The following RELN variants were observed in gnomAD, a reference collection of about 807,000 sequenced individuals.
RELN encodes the protein reelin.
Under a neutral mutation model 427.6 loss-of-function variants are expected in RELN, and 108 were observed. That is an observed-to-expected ratio of 0.25 (90% CI 0.22 to 0.30). The LOEUF (loss-of-function observed/expected upper bound fraction) is 0.30, where lower values mean the gene tolerates loss of function less well. RELN is among the 10% of genes least tolerant of loss of function. RELN has a pLI of 1.00. For synonymous variants in RELN, 1,524 were observed against 1,513.4 expected (o/e 1.01, Z -0.16); for missense variants, 3,715 against 4,302.8 (o/e 0.86, Z 3.82).
intron 51 of RELN, among the ~76,000 whole-genome samples, chr7:103,509,226 G>A (rs1306602599): frequency 3.9e-5 from 6 of 152,152 alleles, no homozygotes; most frequent in Non-Finnish European, 1.5e-5. Flanking sequence ...CAAACCTGGA[G>A]GCATCATGCT....
intron 20 of RELN, 56 bp downstream of exon 20, chr7:103,629,884 C>A (rs1832413203): frequency 1.9e-6 from 2 of 1,063,976 alleles, no homozygotes; most frequent in African/African-American, 1.6e-5. Flanking sequence ...GGAAGATCAT[C>A]CTCATGTTCT....
chr7:103,776,402 T>A (rs1313277312), intron 4 of RELN, among the ~76,000 whole-genome samples, 155 bp downstream of exon 4: 1 of 152,222 alleles, frequency 6.6e-6, no homozygotes, highest in East Asian at 1.9e-4. Context: ...TGTTAGTAAT[T>A]ACTAAATAAC....
chr7:103,773,100 T>TTTCTTTC (rs1343624007), intron 4 of RELN, among the ~76,000 whole-genome samples: 1 of 128,590 alleles, frequency 7.8e-6, no homozygotes, highest in Non-Finnish European at 1.6e-5. Flanking sequence ...GGTTCTCCTC[T>TTTCTTTC]TTTCTTTCTT....
chr7:103,861,121 A>G (rs1490692110), intron 2 of RELN, among the ~76,000 whole-genome samples: 1 of 152,082 alleles, frequency 6.6e-6, no homozygotes, highest in African/African-American at 2.4e-5. Flanking sequence ...TTTTAAAATA[A>G]TAGTTTCTTT....
intron 41 of RELN, among the ~76,000 whole-genome samples, chr7:103,549,305 T>A (rs1584285261): frequency 6.6e-6 from 1 of 152,220 alleles, no homozygotes; most frequent in Non-Finnish European, 1.5e-5. Context: ...GCTGCCTTCC[T>A]GCTGGGTCCT....
chr7:103,539,158 C>G lies in RELN; in HGVS notation c.7100G>C (p.Ser2367Thr). The change falls in exon 45 of 65, where the codon AGC becomes ACC. Residue 2367 changes from serine (S) to threonine (T), a missense_variant. This residue lies in a region of RELN where 1,310 missense variants were observed against 1,643.0 expected (regional missense o/e 0.80). Transcript: ENST00000428762. The stretch of plus-strand genomic sequence containing the variant: ...ATCCTCATTCACGGCAACGTCTGTG[C>G]TGACCACGTAACGGGTGCTGGCCTT... ...IEKASTRYVV[S>T]TDVAVNEDSF... is the part of the protein sequence containing the mutation. 1 of 1,614,224 alleles carries G rather than the reference C, an allele frequency of 6.2e-7. No individual in the cohort carries two copies.
intron 2 of RELN, among the ~76,000 whole-genome samples, chr7:103,839,008 A>G (rs39380): frequency 0.39 from 59,172 of 152,018 alleles, 11,878 homozygotes; most frequent in Non-Finnish European, 0.43. Flanking sequence ...GAAGTATGGT[A>G]TGGGTATTGA....
At chr7:103,558,600 C>G (rs1228739506) in intron 36 of RELN, among the ~76,000 whole-genome samples, 1 of 152,176 alleles carries the variant, frequency 6.6e-6, no homozygotes, top group Non-Finnish European at 1.5e-5. Flanking sequence ...CTGATGCTCA[C>G]GCTGTAGGCA....
Position 103,503,070 on chromosome 7 carries a change from G to A in RELN, c.8435C>T (p.Pro2812Leu). 6.2e-7 allele frequency: 1 copy of A among 1,614,104 alleles called. No homozygotes were observed. The highest frequency in any genetic ancestry group is 8.5e-7 in the Non-Finnish European group (1 of 1,180,028). The change falls in exon 52 of 65, where the codon CCA (proline) becomes CTA (leucine). Residue 2812 changes from proline (P) to leucine (L), a missense_variant. Pro to Leu is a moderately conservative substitution (Grantham distance 98). Transcript: ENST00000428762. ...GGTGATCCTTTTCCACCCTTTAGTT[G>A]GAAAGAATACAGATGGCTGAGAAAC... ...GSVSQPSVFF[P>L]TKGWKRITYP...
At position 103,498,125 on chromosome 7, in the gene RELN, G is replaced by T. The variant is rs139225791; in HGVS notation, c.8795C>A (p.Ser2932Tyr). 2.2e-4 allele frequency: 354 copies of T among 1,613,878 alleles called. No individual in the cohort carries two copies. The highest frequency in any genetic ancestry group is 2.9e-4 in the Non-Finnish European group (339 of 1,179,988). The stretch of plus-strand genomic sequence containing the variant: ...TTGTGTAACCGCTTGTCTCACAGTG[G>T]ATCCCCCAAAATAGAGTGCAGTGTC... ...AEDTALYFGG[S>Y]TVRQAVTQDL... Residue 2932 changes from serine (S) to tyrosine (Y), a missense_variant, in exon 54 of 65, where the codon TCC becomes TAC. By Grantham distance (144) the Ser-to-Tyr change is moderately radical (BLOSUM62 -2). Transcript: ENST00000428762.
intron 11 of RELN, among the ~76,000 whole-genome samples, chr7:103,664,280 C>T (rs888268757): frequency 2.0e-5 from 3 of 152,092 alleles, no homozygotes; most frequent in Non-Finnish European, 4.4e-5. Flanking sequence ...ATAAAAGGTC[C>T]TTGTGTGTTT....
chr7:103,959,979 A>G (rs1192200739), intron 1 of RELN, among the ~76,000 whole-genome samples: 1 of 152,144 alleles, frequency 6.6e-6, no homozygotes, highest in Admixed American at 6.5e-5. Flanking sequence ...AACAGTTGCC[A>G]ACCATAGTAT....
chr7:103,618,788 A>G (rs143392925), intron 20 of RELN, among the ~76,000 whole-genome samples: 7 of 152,322 alleles, frequency 4.6e-5, no homozygotes, highest in Non-Finnish European at 7.3e-5. Flanking sequence ...AGTAAAAAGC[A>G]TAAGTTGAGT....
chr7:103,561,046 A>G (rs945211152), intron 36 of RELN, among the ~76,000 whole-genome samples: 5 of 152,240 alleles, frequency 3.3e-5, no homozygotes, highest in Non-Finnish European at 4.4e-5. Flanking sequence ...CTCTAACCAG[A>G]CATCTCGGTT....
chr7:103,926,373 C>A (rs1048838484), intron 1 of RELN, among the ~76,000 whole-genome samples: 1 of 152,002 alleles, frequency 6.6e-6, no homozygotes, highest in Non-Finnish European at 1.5e-5. Flanking sequence ...CGATTACAGG[C>A]GTGAGCCACT....
At chr7:103,769,034 C>G (rs76822012) in intron 4 of RELN, among the ~76,000 whole-genome samples, 1 of 152,322 alleles carries the variant, frequency 6.6e-6, no homozygotes, top group Non-Finnish European at 1.5e-5. Flanking sequence ...TTTTACCCCA[C>G]TGATCTACTT....
At chr7:103,697,821 A>T in intron 10 of RELN, 32 bp downstream of exon 10, 1 of 1,613,218 alleles carries the variant, frequency 6.2e-7, no homozygotes, top group Non-Finnish European at 8.5e-7. Flanking sequence ...ATGAAGGATT[A>T]AAACAACCCA....
At chr7:103,572,671 G>C (rs1184344779) in intron 30 of RELN, among the ~76,000 whole-genome samples, 1 of 151,630 alleles carries the variant, frequency 6.6e-6, no homozygotes, top group Non-Finnish European at 1.5e-5. Flanking sequence ...CGAGTAGCTG[G>C]GACTACAGGT....
At chr7:103,647,550 T>C (rs775946646) in intron 16 of RELN, among the ~76,000 whole-genome samples, 16 of 140,538 alleles carry the variant, frequency 1.1e-4, no homozygotes, top group Admixed American at 4.9e-4. Flanking sequence ...AAAAAAAAAC[T>C]GTAGGACAAA....
Sources: gnomAD v4.1 joint callset for allele counts (sites outside exome capture counted in the v4.1 genomes callset) on GRCh38, gnomAD v4.1.1 for gene constraint, gnomAD v4.1.1 regional missense constraint, MANE v1.5 for transcripts, NCBI Gene and HGNC (gene_info 2026-07-23, HGNC 2026-07-21) for gene names.